Variants in IQSEC2 observed in about 807,000 individuals in gnomAD.
The protein encoded by IQSEC2 is IQ motif and SEC7 domain-containing protein 2.
A neutral mutation model predicts 74.6 loss-of-function variants in IQSEC2; 6 were observed. The observed-to-expected ratio is 0.08, with a 90% CI of 0.04 to 0.16. The LOEUF is 0.16. IQSEC2 is among the 10% of genes least tolerant of loss of function. The pLI, the probability that IQSEC2 is intolerant of heterozygous loss-of-function variation, is 1.00. For synonymous variants in IQSEC2, 494 were observed against 544.5 expected (o/e 0.91, Z 1.29); for missense variants, 734 against 1,306.2 (o/e 0.56, Z 6.75).
At chrX:53,258,625 C>A (rs1182381759) in intron 2 of IQSEC2, among the ~76,000 whole-genome samples, 2 of 110,471 alleles carry the variant, frequency 1.8e-5, no homozygotes, top group African/African-American at 3.3e-5. Context: ...GAGGCTGAGG[C>A]GAGCAGATCA....
In IQSEC2 at chrX:53,256,909, C is replaced by T. The variant is rs782390858; in HGVS notation, c.738-848G>A. Among the ~76,000 whole-genome samples the T allele has an allele frequency of 4.3e-4, 48 of 112,431 alleles. No homozygotes were observed. In the East Asian group the frequency reaches 0.011, roughly 26 times the overall value. On this transcript the variant is annotated intron_variant, in intron 2 of 14. Transcript: ENST00000642864. ...CCCCGGGTCTTGCCTGCCCTGGTTT[C>T]CCAGAGCTGTTGTTCCACCAGAACT...
chrX:53,229,516 C>T (rs1284631938), downstream of IQSEC2: 2 of 109,555 alleles, frequency 1.8e-5, no homozygotes, highest in Non-Finnish European at 3.8e-5. Context: ...GCCTGGGTAA[C>T]CTAGCAAGAC....
At chrX:53,272,783 C>T (rs907832880) in intron 2 of IQSEC2, among the ~76,000 whole-genome samples, 6 of 111,971 alleles carry the variant, frequency 5.4e-5, no homozygotes, top group African/African-American at 1.9e-4. Flanking sequence ...CTGTACTCCT[C>T]TCAGCCTTCT....
chrX:53,318,677 T>C (rs2075401173), intron 1 of IQSEC2, among the ~76,000 whole-genome samples: 1 of 113,040 alleles, frequency 8.8e-6, no homozygotes, highest in Non-Finnish European at 1.9e-5. Context: ...GAATGCCAGG[T>C]TGGAAAGTTC....
chrX:53,240,969 T>C (rs782429792), intron 10 of IQSEC2, among the ~76,000 whole-genome samples: 3 of 110,859 alleles, frequency 2.7e-5, no homozygotes, highest in Admixed American at 9.5e-5. Flanking sequence ...AGAGACGAGG[T>C]TTCTCCATGT....
intron 10 of IQSEC2, among the ~76,000 whole-genome samples, chrX:53,240,729 A>G (rs1245675294): frequency 9.1e-6 from 1 of 110,081 alleles, no homozygotes; most frequent in Non-Finnish European, 1.9e-5. Flanking sequence ...AAAGACAAAC[A>G]TCTCTACTTG....
chrX:53,315,958 C>T (rs1452396684), intron 1 of IQSEC2, among the ~76,000 whole-genome samples: 1 of 111,919 alleles, frequency 8.9e-6, no homozygotes, highest in East Asian at 2.8e-4. Context: ...TACCCCTCAT[C>T]CCTCACCCAC....
chrX:53,301,047 T>C (rs1379862584), intron 1 of IQSEC2, among the ~76,000 whole-genome samples: 1 of 112,635 alleles, frequency 8.9e-6, no homozygotes, highest in Non-Finnish European at 1.9e-5. Flanking sequence ...AATGTTTTTC[T>C]CCTCTACTTT....
At chrX:53,252,208 G>A (rs182236219) in intron 4 of IQSEC2, among the ~76,000 whole-genome samples, 4 of 110,476 alleles carry the variant, frequency 3.6e-5, no homozygotes, top group African/African-American at 9.9e-5. Context: ...TTACAGGTGC[G>A]CACCACCATG....
chrX:53,266,051 T>C (rs911113947), intron 2 of IQSEC2, among the ~76,000 whole-genome samples: 2 of 112,201 alleles, frequency 1.8e-5, no homozygotes, highest in African/African-American at 3.2e-5. Context: ...ATTCACAAAA[T>C]GTCACAGCTG....
rs1291449934 is a variant in IQSEC2, at chrX:53,248,094, C to T, written c.2582+20G>A. The stretch of plus-strand genomic sequence containing the variant: ...CCCACAGGAGGGAGGGGCAGCTTCG[C>T]GAGTGGGAGGTAGGCACACCTGAAG... On this transcript the variant is annotated intron_variant, in intron 7 of 14. Transcript: ENST00000642864. 16 of 1,209,038 alleles carry T rather than the reference C, an allele frequency of 1.3e-5. No homozygotes were observed. The highest frequency in any genetic ancestry group is 1.7e-5 in the Non-Finnish European group (15 of 894,674).
chrX:53,227,668 C>T (rs2074048326), downstream of IQSEC2: 3 of 287,384 alleles, frequency 1.0e-5, no homozygotes, highest in South Asian at 5.3e-4. Flanking sequence ...GAGGCCTGGC[C>T]AGAGAAGGGT....
chrX:53,311,268 C>T (rs2075320377), intron 1 of IQSEC2, among the ~76,000 whole-genome samples: 1 of 109,295 alleles, frequency 9.1e-6, no homozygotes, highest in South Asian at 4.0e-4. Flanking sequence ...TCAGTCTTTT[C>T]ATCTGTAAAA....
intron 1 of IQSEC2, among the ~76,000 whole-genome samples, chrX:53,302,459 G>C (rs1242118104): frequency 8.9e-6 from 1 of 112,034 alleles, no homozygotes; most frequent in African/African-American, 3.2e-5. Context: ...TGGCACCAGA[G>C]AGAAATAAGT....
intron 1 of IQSEC2, among the ~76,000 whole-genome samples, chrX:53,317,949 T>C (rs782608151): frequency 1.8e-5 from 2 of 112,095 alleles, no homozygotes; most frequent in Non-Finnish European, 3.8e-5. Flanking sequence ...TCCCCACTCA[T>C]CCCAGACTCA....
At chrX:53,271,101 G>A (rs1220695972) in intron 2 of IQSEC2, among the ~76,000 whole-genome samples, 1 of 111,218 alleles carries the variant, frequency 9.0e-6, no homozygotes, top group Non-Finnish European at 1.9e-5. Flanking sequence ...CTTGAGGTAA[G>A]CCTGACCTCT....
intron 2 of IQSEC2, chrX:53,266,330 A>G (rs2074655702): frequency 1.4e-6 from 1 of 737,209 alleles, no homozygotes; most frequent in African/African-American, 2.3e-5. Flanking sequence ...GACAGAGAGA[A>G]GAGATCAGCT....
intron 2 of IQSEC2, among the ~76,000 whole-genome samples, chrX:53,291,402 CA>C (rs1301195887): frequency 1.8e-5 from 2 of 111,603 alleles, no homozygotes; most frequent in Non-Finnish European, 3.8e-5. Flanking sequence ...CAAGCACACA[CA>C]AAAAAATTTT....
At chrX:53,293,736 T>C (rs2075124546) in intron 1 of IQSEC2, among the ~76,000 whole-genome samples, 1 of 111,774 alleles carries the variant, frequency 8.9e-6, no homozygotes, top group Admixed American at 9.5e-5. Context: ...ATACAACCTC[T>C]CAAGGAGCTC....
Sources: allele counts gnomAD v4.1 joint callset (sites outside exome capture counted in the v4.1 genomes callset), GRCh38; gene constraint gnomAD v4.1.1; transcripts MANE v1.5; gene names NCBI Gene and HGNC (gene_info 2026-07-23, HGNC 2026-07-21).